STYX: variants seen among roughly 807,000 people sequenced by gnomAD.
The protein encoded by STYX is serine/threonine/tyrosine-interacting protein.
In STYX, 20 loss-of-function variants were observed where a neutral mutation model predicts 42.7. The observed-to-expected ratio is 0.47, with a 90% CI of 0.33 to 0.68. The LOEUF is 0.68. Ranked by LOEUF, STYX falls within the 30% of genes least tolerant of loss-of-function variation. STYX has a pLI of 0.02. For missense variants in STYX, 226 were observed against 268.5 expected (o/e 0.84, Z 1.11); for synonymous variants, 78 against 81.9 (o/e 0.95, Z 0.26).
chr14:52,741,230 A>ATTTTT (rs61593961), intron 1 of STYX, among the ~76,000 whole-genome samples: 6 of 140,306 alleles, frequency 4.3e-5, no homozygotes, highest in Admixed American at 2.1e-4. Flanking sequence ...ATATATATAT[A>ATTTTT]TTTTTTTTTT....
rs1158617579 is a variant in STYX, at chr14:52,730,460, C to T, written c.-15C>T. On this transcript the variant is annotated 5_prime_UTR_variant, in exon 1 of 11. Transcript: ENST00000354586. ...ACACTCTCCCACCCCACCCACCAGCCCGCGGGCCAGCACCATGGAGGACGT... is the reference window on the plus strand; with the variant it reads ...ACACTCTCCCACCCCACCCACCAGCTCGCGGGCCAGCACCATGGAGGACGT... 2 of 1,613,302 alleles carry T rather than the reference C, an allele frequency of 1.2e-6. No homozygotes were observed. The highest frequency in any genetic ancestry group is 1.7e-6 in the Non-Finnish European group (2 of 1,179,728).
intron 4 of STYX, among the ~76,000 whole-genome samples, chr14:52,752,880 T>G (rs1228328916): frequency 2.8e-3 from 292 of 105,820 alleles, no homozygotes; most frequent in African/African-American, 9.3e-3. Context: ...TTTGTTGTTG[T>G]TGTTTTTTTT....
chr14:52,756,177 A>C (rs1217290651), intron 4 of STYX, among the ~76,000 whole-genome samples: 1 of 152,098 alleles, frequency 6.6e-6, no homozygotes, highest in Non-Finnish European at 1.5e-5. Context: ...CACGACACCC[A>C]GCTAATTTTT....
chr14:52,767,922 G>C (rs550292373), intron 9 of STYX, among the ~76,000 whole-genome samples: 9 of 152,132 alleles, frequency 5.9e-5, no homozygotes, highest in African/African-American at 2.2e-4. Context: ...ACTGATGCTT[G>C]GCTACATGCA....
intron 8 of STYX, 116 bp downstream of exon 8, chr14:52,758,040 T>C (rs1594877939): frequency 4.3e-6 from 5 of 1,150,424 alleles, no homozygotes; most frequent in African/African-American, 3.1e-5. Context: ...CATGTAGTCA[T>C]GTTTGATTAG....
chr14:52,750,902 AAAAT>A, intron 4 of STYX, 122 bp downstream of exon 4: 1 of 507,846 alleles, frequency 2.0e-6, no homozygotes, highest in Non-Finnish European at 3.3e-6. Flanking sequence ...ATAGTTTTTT[AAAAT>A]AAATTTTACT....
intron 9 of STYX, among the ~76,000 whole-genome samples, chr14:52,764,744 C>G (rs1368132605): frequency 6.9e-6 from 1 of 145,352 alleles, no homozygotes; most frequent in Non-Finnish European, 1.5e-5. Context: ...TCTCGGCTCA[C>G]TGCAACCTTT....
At chr14:52,753,305 C>T (rs1881705655) in intron 4 of STYX, among the ~76,000 whole-genome samples, 1 of 151,994 alleles carries the variant, frequency 6.6e-6, no homozygotes, top group Non-Finnish European at 1.5e-5. Context: ...CCTGCCTCAG[C>T]CTCCCAAAGC....
Position 52,756,581 on chromosome 14 carries a change from A to C in STYX, c.273A>C (p.Pro91=). 1 of 1,525,130 alleles carries C rather than the reference A, an allele frequency of 6.6e-7. No homozygotes were observed. The allele number at this position is 1,525,130 out of a possible 1,614,324, so 94.5% of individuals were successfully genotyped here. Residue 91 remains proline, a synonymous_variant, in exon 5 of 11, where the codon CCA becomes CCC. Coordinates refer to ENST00000354586, the MANE Select transcript of STYX (RefSeq NM_145251.4). ...TAGTCCTGGATATTGCAGATAATCCAGTTGAAAATATAATACGTTTTTTCC... is the reference window on the plus strand; with the variant it reads ...TAGTCCTGGATATTGCAGATAATCCCGTTGAAAATATAATACGTTTTTTCC... The part of the protein sequence containing the change: ...RYLVLDIADN[P]VENIIRFFPM...
intron 1 of STYX, among the ~76,000 whole-genome samples, chr14:52,738,628 C>T (rs1881057948): frequency 6.6e-6 from 1 of 152,194 alleles, no homozygotes; most frequent in Non-Finnish European, 1.5e-5. Flanking sequence ...GGAAATGCCA[C>T]TCCAAAATAT....
intron 9 of STYX, among the ~76,000 whole-genome samples, chr14:52,761,415 G>A (rs1882090074): frequency 6.6e-6 from 1 of 151,826 alleles, no homozygotes; most frequent in African/African-American, 2.4e-5. Context: ...TGGAATTGGT[G>A]GATTCCAGTG....
At chr14:52,748,522 A>G (rs1881480278) in intron 3 of STYX, among the ~76,000 whole-genome samples, 1 of 152,150 alleles carries the variant, frequency 6.6e-6, no homozygotes, top group South Asian at 2.1e-4. Flanking sequence ...TAATTAGTAA[A>G]CGGTTTGTTT....
In STYX at chr14:52,772,381, A is replaced by C. The variant is rs1395409163; in HGVS notation, c.*1275A>C. The stretch of plus-strand genomic sequence containing the variant: ...CATTCAGTTAGTCCAGATCTGCCCC[A>C]TAATTTGCTTTAGTAAAGTCACTTT... On this transcript the variant is annotated 3_prime_UTR_variant, in exon 11 of 11. Transcript: ENST00000354586. 1 of 152,506 alleles carries C rather than the reference A, an allele frequency of 6.6e-6. No homozygotes were observed. Among genetic ancestry groups the C allele is most frequent in the Admixed American group, 6.5e-5 (1 of 15,284 alleles). The allele number at this position is 152,506 out of a possible 1,614,324, so 9.4% of individuals were successfully genotyped here.
chr14:52,758,669 A>G (rs780213763), intron 8 of STYX, among the ~76,000 whole-genome samples: 21 of 152,084 alleles, frequency 1.4e-4, no homozygotes, highest in Non-Finnish European at 2.6e-4. Flanking sequence ...CCCGCCTCCC[A>G]GATTCAAGCA....
At chr14:52,743,555 T>G (rs571151789) in intron 1 of STYX, among the ~76,000 whole-genome samples, 4 of 152,046 alleles carry the variant, frequency 2.6e-5, no homozygotes, top group Non-Finnish European at 5.9e-5. Context: ...CACTCCAACC[T>G]GGATGACAGT....
chr14:52,760,278 CT>C lies in STYX; in HGVS notation c.504+525del, dbSNP rs556274528. 3.0e-3 allele frequency among the ~76,000 whole-genome samples: 455 copies of C among 152,252 alleles called. 4 individuals are homozygous for C. Among genetic ancestry groups the C allele is most frequent in the African/African-American group, 0.01 (428 of 41,556 alleles). The stretch of plus-strand genomic sequence containing the variant: ...AAGGGTTAAAGACACATTATCAAAT[CT>C]AAAGTAAAATAATTGCTGTTAGAAA... On this transcript the variant is annotated intron_variant, in intron 9 of 10. Transcript: ENST00000354586.
intron 8 of STYX, 121 bp downstream of exon 8, chr14:52,758,045 G>C: frequency 9.4e-7 from 1 of 1,059,168 alleles, no homozygotes; most frequent in Non-Finnish European, 1.4e-6. Flanking sequence ...AGTCATGTTT[G>C]ATTAGGCAGG....
chr14:52,762,886 T>C (rs561758572), intron 9 of STYX, among the ~76,000 whole-genome samples: 3 of 125,892 alleles, frequency 2.4e-5, no homozygotes, highest in Non-Finnish European at 3.3e-5. Context: ...TTCTTTCTTT[T>C]TTTTTTTTTT....
At chr14:52,751,979 A>G (rs529566913) in intron 4 of STYX, among the ~76,000 whole-genome samples, 1 of 152,300 alleles carries the variant, frequency 6.6e-6, no homozygotes, top group Non-Finnish European at 1.5e-5. Context: ...CCTGGCCAAC[A>G]TGGCAAAACC....
Sources: allele counts gnomAD v4.1 joint callset (sites outside exome capture counted in the v4.1 genomes callset), GRCh38; gene constraint gnomAD v4.1.1; transcripts MANE v1.5; gene names NCBI Gene and HGNC (gene_info 2026-07-23, HGNC 2026-07-21).